The following CSMD1 variants were observed in gnomAD, a reference collection of about 807,000 sequenced individuals.
CSMD1 encodes the protein CUB and sushi domain-containing protein 1.
A neutral mutation model predicts 417.5 loss-of-function variants in CSMD1; 213 were observed. That is an observed-to-expected ratio of 0.51 (90% CI 0.46 to 0.57). CSMD1 has a LOEUF of 0.57. CSMD1 is among the 20% of genes least tolerant of loss of function. The pLI, the probability that CSMD1 is intolerant of heterozygous loss-of-function variation, is 0.00. For synonymous variants in CSMD1, 2,862 were observed against 1,736.8 expected (o/e 1.65, Z -16.11); for missense variants, 6,923 against 4,529.7 (o/e 1.53, Z -15.17).
At chr8:3,726,364 A>G (rs1802497191) in intron 6 of CSMD1, among the ~76,000 whole-genome samples, 1 of 152,202 alleles carries the variant, frequency 6.6e-6, no homozygotes, top group Admixed American at 6.5e-5. Context: ...CAATAGAACT[A>G]ATCCACCACC....
chr8:4,839,470 G>A (rs984359155), intron 1 of CSMD1, among the ~76,000 whole-genome samples: 3 of 152,090 alleles, frequency 2.0e-5, no homozygotes, highest in African/African-American at 7.2e-5. Context: ...AATGACATTT[G>A]CACTGAAAAA....
At chr8:4,584,361 C>G (rs1799596843) in intron 2 of CSMD1, among the ~76,000 whole-genome samples, 1 of 152,050 alleles carries the variant, frequency 6.6e-6, no homozygotes. Flanking sequence ...CAGTGAGTAG[C>G]ATCAGACCCC....
intron 1 of CSMD1, among the ~76,000 whole-genome samples, chr8:4,715,280 GTTAC>G (rs1328914944): frequency 6.6e-6 from 1 of 152,076 alleles, no homozygotes; most frequent in Non-Finnish European, 1.5e-5. Context: ...ATTATTAAGG[GTTAC>G]TTAAAGCTAA....
rs746229480 is a variant in CSMD1 at position 3,408,233 on chromosome 8, G to C, written c.1745-8C>G. ...AGTTGAAGAAACATGAAACTGTGAA[G>C]ATGCAAATATATTTTCAAACAGTTA... On this transcript the variant is annotated splice_region_variant and splice_polypyrimidine_tract_variant and intron_variant, in intron 13 of 69. Coordinates refer to ENST00000635120, the MANE Select transcript of CSMD1 (RefSeq NM_033225.6). The C allele has an allele frequency of 2.5e-6, 4 of 1,577,454 alleles. No individual in the cohort carries two copies. Among genetic ancestry groups the C allele is most frequent in the East Asian group, 2.3e-5 (1 of 43,860 alleles).
chr8:3,932,519 C>G (rs562137186), intron 5 of CSMD1, among the ~76,000 whole-genome samples: 1 of 150,356 alleles, frequency 6.7e-6, no homozygotes, highest in Non-Finnish European at 1.5e-5. Context: ...AGATGTTAGC[C>G]TTATTAAATC....
At chr8:4,948,125 T>G (rs1808490320) in intron 1 of CSMD1, among the ~76,000 whole-genome samples, 1 of 152,204 alleles carries the variant, frequency 6.6e-6, no homozygotes, top group East Asian at 1.9e-4. Context: ...GTCGTATCAA[T>G]TTATACTACT....
intron 7 of CSMD1, among the ~76,000 whole-genome samples, chr8:3,705,376 G>A (rs530015805): frequency 2.0e-5 from 3 of 152,272 alleles, no homozygotes; most frequent in East Asian, 3.9e-4. Flanking sequence ...TGCTTCCCAC[G>A]GGCAGAATAC....
intron 1 of CSMD1, among the ~76,000 whole-genome samples, chr8:4,963,797 G>C (rs899995126): frequency 6.6e-6 from 1 of 152,078 alleles, no homozygotes; most frequent in Non-Finnish European, 1.5e-5. Context: ...AAAATGGTAA[G>C]CAATAGAATT....
rs537751365 is a variant in CSMD1, at chr8:3,322,237, G to C, written c.3632-13734C>G. 4.1e-4 allele frequency among the ~76,000 whole-genome samples: 63 copies of C among 152,268 alleles called. 1 individual carries two copies. Among genetic ancestry groups the C allele is most frequent in the African/African-American group, 1.4e-3 (57 of 41,556 alleles). The stretch of plus-strand genomic sequence containing the variant: ...ACAGCACAGATTTCCAGCAGGAGCG[G>C]AACATTTTCCTTCACCTCCTGATGA... On this transcript the variant is annotated intron_variant, in intron 23 of 69. Transcript: ENST00000635120.
intron 37 of CSMD1, among the ~76,000 whole-genome samples, chr8:3,179,096 C>A (rs563534853): frequency 1.3e-5 from 2 of 151,656 alleles, no homozygotes; most frequent in Non-Finnish European, 2.9e-5. Context: ...TACAGGCCCG[C>A]CACCACGCCT....
chr8:4,730,836 T>A (rs1289256160), intron 1 of CSMD1, among the ~76,000 whole-genome samples: 2 of 152,194 alleles, frequency 1.3e-5, no homozygotes, highest in East Asian at 3.8e-4. Context: ...CATAATGCTT[T>A]ATCTAAAGAA....
At chr8:4,399,231 ATTT>A (rs1349488156) in intron 3 of CSMD1, among the ~76,000 whole-genome samples, 3 of 152,202 alleles carry the variant, frequency 2.0e-5, no homozygotes, top group Admixed American at 2.0e-4. Flanking sequence ...GACAAACCGT[ATTT>A]CCCCTTGTGT....
chr8:3,876,735 G>C (rs1308261669), intron 5 of CSMD1, among the ~76,000 whole-genome samples: 1 of 152,048 alleles, frequency 6.6e-6, no homozygotes, highest in Non-Finnish European at 1.5e-5. Context: ...TTGGCCTCCT[G>C]AGTACCTGGA....
intron 3 of CSMD1, among the ~76,000 whole-genome samples, chr8:4,205,391 T>TG (rs1413594152): frequency 6.6e-6 from 1 of 152,262 alleles, no homozygotes; most frequent in Non-Finnish European, 1.5e-5. Context: ...TTTTTAGCCT[T>TG]GGCATGTGCC....
intron 3 of CSMD1, among the ~76,000 whole-genome samples, chr8:4,231,371 T>G (rs1010346135): frequency 6.6e-6 from 1 of 152,158 alleles, no homozygotes; most frequent in Non-Finnish European, 1.5e-5. Flanking sequence ...ATAATTTTCC[T>G]CCTCTGAGAG....
chr8:3,279,087 C>T (rs137981408), intron 26 of CSMD1: 1 of 152,244 alleles, frequency 6.6e-6, no homozygotes, highest in South Asian at 2.1e-4. Context: ...AAGTGGCAAG[C>T]TACATTTTGT....
At chr8:3,975,097 G>A (rs1563273113) in intron 5 of CSMD1, among the ~76,000 whole-genome samples, 1 of 152,094 alleles carries the variant, frequency 6.6e-6, no homozygotes, top group African/African-American at 2.4e-5. Flanking sequence ...TTAAAAACTA[G>A]TTTTAATAAC....
intron 6 of CSMD1, among the ~76,000 whole-genome samples, chr8:3,728,337 G>T (rs1268527046): frequency 3.3e-5 from 5 of 152,242 alleles, no homozygotes; most frequent in African/African-American, 1.2e-4. Context: ...CCAGCCACGT[G>T]GAACTGGGAG....
chr8:4,717,663 G>T (rs1349967812), intron 1 of CSMD1, among the ~76,000 whole-genome samples: 3 of 151,898 alleles, frequency 2.0e-5, no homozygotes, highest in Admixed American at 2.0e-4. Flanking sequence ...TGAGTGGGAA[G>T]GAATTTACAG....
Sources: gnomAD v4.1 joint callset for allele counts (sites outside exome capture counted in the v4.1 genomes callset) on GRCh38, gnomAD v4.1.1 for gene constraint, MANE v1.5 for transcripts, NCBI Gene and HGNC (gene_info 2026-07-23, HGNC 2026-07-21) for gene names.